The following ANKFN1 variants were observed in gnomAD, a reference collection of about 807,000 sequenced individuals.
ANKFN1 encodes ankyrin repeat and fibronectin type-III domain-containing protein 1.
In ANKFN1, 74 loss-of-function variants were observed where a neutral mutation model predicts 108.7. The observed-to-expected ratio is 0.68, with a 90% CI of 0.56 to 0.83. The LOEUF is 0.83. Ranked by LOEUF, ANKFN1 falls within the 40% of genes least tolerant of loss-of-function variation. The pLI is 0.00. For synonymous variants in ANKFN1, 547 were observed against 516.2 expected, an observed-to-expected ratio of 1.06 and a Z score of -0.81; for missense variants, 1,505 against 1,382.3, an observed-to-expected ratio of 1.09 and a Z score of -1.41.
At chr17:56,380,215 C>T (rs959635457) in intron 8 of ANKFN1, among the ~76,000 whole-genome samples, 8 of 152,158 alleles carry the variant, frequency 5.3e-5, no homozygotes, top group Non-Finnish European at 1.0e-4. Context: ...ACAGTTTTTA[C>T]GGCTGTTATG....
intron 3 of ANKFN1, among the ~76,000 whole-genome samples, chr17:56,232,389 A>C (rs1258885283): frequency 6.6e-6 from 1 of 152,148 alleles, no homozygotes; most frequent in Admixed American, 6.6e-5. Flanking sequence ...CACATCAAAA[A>C]TTTTAATAGC....
At chr17:56,145,391 G>T (rs1908198663) in intron 4 of ANKFN1, among the ~76,000 whole-genome samples, 1 of 152,182 alleles carries the variant, frequency 6.6e-6, no homozygotes, top group Non-Finnish European at 1.5e-5. Context: ...ATAAAGGAAA[G>T]AGGGTTAATT....
intron 8 of ANKFN1, among the ~76,000 whole-genome samples, chr17:56,405,916 G>A (rs1277607435): frequency 6.6e-6 from 1 of 152,016 alleles, no homozygotes. Context: ...ATGGTGGGAG[G>A]GAAAATCTAA....
At chr17:56,310,118 A>G (rs2144429888) in intron 3 of ANKFN1, among the ~76,000 whole-genome samples, 1 of 146,040 alleles carries the variant, frequency 6.8e-6, no homozygotes, top group South Asian at 2.1e-4. Flanking sequence ...GATACGCTGG[A>G]CAAAGAGATG....
At position 56,168,351 on chromosome 17, in the gene ANKFN1, G is replaced by T. The variant is rs145067490; in HGVS notation, c.-71+14821G>T. ...GAATGAAATGTAATAACCTCATCAGGCAGATAGGACAGGACTTCAGCAACT... is the reference window on the plus strand; with the variant it reads ...GAATGAAATGTAATAACCTCATCAGTCAGATAGGACAGGACTTCAGCAACT... On this transcript the variant is annotated intron_variant, in intron 1 of 20. Coordinates refer to ENST00000682825, the MANE Select transcript of ANKFN1 (RefSeq NM_001370326.1). Among the ~76,000 whole-genome samples, 1,207 of 152,036 alleles carry T rather than the reference G, an allele frequency of 7.9e-3. 22 individuals are homozygous for T. The highest frequency in any genetic ancestry group is 0.028 in the African/African-American group (1,159 of 41,448).
chr17:56,157,432 A>G (rs1021895798), intron 1 of ANKFN1, among the ~76,000 whole-genome samples: 3 of 152,190 alleles, frequency 2.0e-5, no homozygotes, highest in Middle Eastern at 3.2e-3. Context: ...TCATCACTTT[A>G]TACCCTCGGA....
intron 3 of ANKFN1, among the ~76,000 whole-genome samples, chr17:56,262,828 G>A (rs959735041): frequency 3.3e-5 from 5 of 150,480 alleles, no homozygotes; most frequent in Admixed American, 3.3e-4. Flanking sequence ...CAGTAACACA[G>A]CAAGATAGTT....
intron 4 of ANKFN1, among the ~76,000 whole-genome samples, chr17:56,090,835 T>C (rs1396446040): frequency 6.6e-6 from 1 of 151,228 alleles, no homozygotes; most frequent in Non-Finnish European, 1.5e-5. Flanking sequence ...CTCAAACTCC[T>C]GGGCTCAAGT....
chr17:56,063,945 T>C (rs1356939429), intron 4 of ANKFN1, among the ~76,000 whole-genome samples: 1 of 152,174 alleles, frequency 6.6e-6, no homozygotes. Flanking sequence ...TTGTTGTTGA[T>C]GATGCTGTTG....
At chr17:56,050,592 G>C (rs1030569394) in intron 4 of ANKFN1, among the ~76,000 whole-genome samples, 1 of 150,620 alleles carries the variant, frequency 6.6e-6, no homozygotes, top group African/African-American at 2.4e-5. Context: ...AAGGGATCCA[G>C]TTTCAGCTTC....
chr17:56,355,145 G>A (rs1295745524), intron 6 of ANKFN1, among the ~76,000 whole-genome samples: 1 of 152,004 alleles, frequency 6.6e-6, no homozygotes, highest in Non-Finnish European at 1.5e-5. Flanking sequence ...TGAGGTTATG[G>A]ATACACTAAA....
At chr17:56,154,025 A>G (rs1908848818) in intron 1 of ANKFN1, among the ~76,000 whole-genome samples, 1 of 148,794 alleles carries the variant, frequency 6.7e-6, no homozygotes, top group Non-Finnish European at 1.5e-5. Flanking sequence ...CTAAAGTTGG[A>G]AGTGGATTTT....
chr17:56,340,547 C>T (rs2045934167), intron 4 of ANKFN1, among the ~76,000 whole-genome samples: 1 of 152,090 alleles, frequency 6.6e-6, no homozygotes, highest in Non-Finnish European at 1.5e-5. Flanking sequence ...ATCCCAGCAC[C>T]ATTTATTGAA....
intron 4 of ANKFN1, among the ~76,000 whole-genome samples, chr17:56,148,274 G>C (rs1025900734): frequency 3.3e-5 from 5 of 152,186 alleles, no homozygotes; most frequent in Non-Finnish European, 7.3e-5. Context: ...TTATTGCATA[G>C]TTAAAATAGG....
At chr17:56,194,120 C>T (rs1913268932) in intron 1 of ANKFN1, among the ~76,000 whole-genome samples, 1 of 152,142 alleles carries the variant, frequency 6.6e-6, no homozygotes, top group Admixed American at 6.5e-5. Flanking sequence ...ATGCTGAGAA[C>T]ATCAAATGCT....
chr17:56,304,244 G>A (rs888288676), intron 3 of ANKFN1, among the ~76,000 whole-genome samples: 12 of 152,034 alleles, frequency 7.9e-5, no homozygotes, highest in African/African-American at 2.9e-4. Context: ...TATATAGATG[G>A]AATAATATAG....
rs537810967 is a variant in ANKFN1, at chr17:56,083,794, A to T, written c.288+37469A>T. 6.6e-5 allele frequency among the ~76,000 whole-genome samples: 10 copies of T among 151,524 alleles called. 1 individual carries two copies. Among genetic ancestry groups the T allele is most frequent in the African/African-American group, 2.4e-4 (10 of 41,384 alleles). Reference sequence around the variant, plus strand: ...GTTCAAGCTCAAATTTTTATGAGAGATTACATAGGACCTTTGTTTGTGGAA... The same window carrying T: ...GTTCAAGCTCAAATTTTTATGAGAGTTTACATAGGACCTTTGTTTGTGGAA... On this transcript the variant is annotated intron_variant, in intron 4 of 12. Transcript: ENST00000635860.
chr17:56,208,295 A>G (rs1416945743), intron 1 of ANKFN1, among the ~76,000 whole-genome samples: 1 of 152,216 alleles, frequency 6.6e-6, no homozygotes, highest in Non-Finnish European at 1.5e-5. Flanking sequence ...TGCTGGGATT[A>G]CAGGCATCAG....
chr17:56,391,753 A>G (rs865780653), intron 8 of ANKFN1, among the ~76,000 whole-genome samples: 1 of 152,080 alleles, frequency 6.6e-6, no homozygotes, highest in African/African-American at 2.4e-5. Flanking sequence ...AAGAGCTACT[A>G]AGTGATGTTA....
Sources: gnomAD v4.1 joint callset for allele counts (sites outside exome capture counted in the v4.1 genomes callset) on GRCh38, gnomAD v4.1.1 for gene constraint, MANE v1.5 for transcripts, NCBI Gene and HGNC (gene_info 2026-07-23, HGNC 2026-07-21) for gene names.